The following EVC2 variants were observed in gnomAD, a reference collection of about 807,000 sequenced individuals.
The protein encoded by EVC2 is EvC ciliary complex subunit 2, also known as limbin.
Under a neutral mutation model 149.3 loss-of-function variants are expected in EVC2, and 148 were observed. The ratio of observed to expected loss-of-function variants is 0.99; its 90% confidence interval spans 0.87 to 1.14. The LOEUF is 1.14. Ranked by LOEUF, EVC2 falls within the 50% of genes most tolerant of loss-of-function variation. EVC2 has a pLI of 0.00. For missense variants in EVC2, 1,854 were observed against 1,627.3 expected, an observed-to-expected ratio of 1.14 and a Z score of -2.40; for synonymous variants, 776 against 649.9, an observed-to-expected ratio of 1.19 and a Z score of -2.95.
intron 9 of EVC2, among the ~76,000 whole-genome samples, chr4:5,650,373 T>C (rs1471976318): frequency 6.6e-6 from 1 of 151,992 alleles, no homozygotes; most frequent in East Asian, 1.9e-4. Context: ...TAATCAACTT[T>C]TCCTGGGTGA....
At chr4:5,700,610 C>A (rs955401031) in intron 1 of EVC2, among the ~76,000 whole-genome samples, 1 of 152,158 alleles carries the variant, frequency 6.6e-6, no homozygotes. Context: ...TGGGCCAGGC[C>A]TCCCAGGGCA....
intron 16 of EVC2, among the ~76,000 whole-genome samples, chr4:5,604,422 G>A (rs368767801): frequency 3.3e-5 from 5 of 152,116 alleles, no homozygotes; most frequent in Non-Finnish European, 5.9e-5. Flanking sequence ...TTAAAGTTAC[G>A]TCAGTGTTAA....
In EVC2 at chr4:5,592,742, C is replaced by T. The variant is rs1712927389; in HGVS notation, c.2830-7892G>A. Among the ~76,000 whole-genome samples, 3 of 152,204 alleles carry T rather than the reference C, an allele frequency of 2.0e-5. No homozygotes were observed. The South Asian group carries it at 6.2e-4, about 32-fold the overall frequency. The stretch of plus-strand genomic sequence containing the variant: ...ATTCTACTGGTAAGGAAGAAAGCCT[C>T]AAGTGAGCATGTGCACAACTTCTGT... On this transcript the variant is annotated intron_variant, in intron 16 of 21. Coordinates refer to ENST00000344408, the MANE Select transcript of EVC2 (RefSeq NM_147127.5).
At chr4:5,624,706 T>G (rs1715973825) in intron 13 of EVC2, among the ~76,000 whole-genome samples, 1 of 152,162 alleles carries the variant, frequency 6.6e-6, no homozygotes, top group South Asian at 2.1e-4. Flanking sequence ...TTTCCATCCC[T>G]TAACCAGTGG....
intron 9 of EVC2, among the ~76,000 whole-genome samples, chr4:5,655,429 A>G (rs922687017): frequency 1.3e-4 from 20 of 152,128 alleles, no homozygotes; most frequent in Admixed American, 9.2e-4. Flanking sequence ...CCTCTTTCAG[A>G]GACTAAGGCC....
chr4:5,677,360 T>C lies in EVC2; in HGVS notation c.870+3900A>G, dbSNP rs904726394. On this transcript the variant is annotated intron_variant, in intron 7 of 21. Transcript: ENST00000344408. The surrounding 1 kb of genome is among the most constrained non-coding windows in gnomAD (Gnocchi z 4.3). ...GGGCCCACACAACACCATAGGGCCA[T>C]CCTGTGCATACACCTCCTCTTCCCA... Among the ~76,000 whole-genome samples the C allele has an allele frequency of 2.0e-5, 3 of 152,138 alleles. No homozygotes were observed. Among genetic ancestry groups the C allele is most frequent in the Admixed American group, 2.0e-4 (3 of 15,282 alleles).
chr4:5,685,984 T>C (rs893318101), intron 5 of EVC2, among the ~76,000 whole-genome samples: 5 of 152,132 alleles, frequency 3.3e-5, no homozygotes, highest in African/African-American at 4.8e-5. Flanking sequence ...AGTTTACTTA[T>C]AGCCCTAAAA....
chr4:5,550,559 A>C (rs1038360393), intron 21 of EVC2, among the ~76,000 whole-genome samples: 8 of 152,318 alleles, frequency 5.3e-5, no homozygotes, highest in African/African-American at 1.7e-4. Context: ...TTTAAAGGGG[A>C]AACAGAGCAT....
chr4:5,694,768 G>A lies in EVC2; in HGVS notation c.284-267C>T, dbSNP rs73200126. Among the ~76,000 whole-genome samples, 3,185 of 152,290 alleles carry A rather than the reference G, an allele frequency of 0.021. 58 individuals carry two copies. Among genetic ancestry groups the A allele is most frequent in the Non-Finnish European group, 0.031 (2,122 of 68,020 alleles). On this transcript the variant is annotated intron_variant, in intron 2 of 21. Transcript: ENST00000344408. ...GCAGCCCCACCTAGGAATCAGAACT[G>A]CTGGGCAAGAATGATGCCTGGGTTG...
rs372767139 is a variant in EVC2, at chr4:5,618,358, A to G, written c.2706+120T>C. ...CTGGACACCAATGCAGCCAGAGAGG[A>G]GAGGATAGGGGAGCATGAGGTGAGA... On this transcript the variant is annotated intron_variant, in intron 15 of 21. Coordinates refer to ENST00000344408, the MANE Select transcript of EVC2 (RefSeq NM_147127.5). This position sits in a 1 kb window ranked among gnomAD's most constrained non-coding sequence, Gnocchi z 4.4. 4.2e-5 allele frequency: 46 copies of G among 1,105,024 alleles called. No individual in the cohort carries two copies. Among genetic ancestry groups the G allele is most frequent in the South Asian group, 2.6e-4 (20 of 75,796 alleles). 68.5% of individuals were successfully genotyped at this position (1,105,024 alleles called of 1,614,324 possible). A position where few individuals can be genotyped will look rare whatever the true frequency, so the allele number is the denominator to read the frequency against.
In EVC2 at chr4:5,568,639, T is replaced by G. The variant is rs1419370853; in HGVS notation, c.3362A>C (p.Glu1121Ala). 1 of 1,606,602 alleles carries G rather than the reference T, an allele frequency of 6.2e-7. No individual in the cohort carries two copies. The highest frequency in any genetic ancestry group is 8.5e-7 in the Non-Finnish European group (1 of 1,179,654). ...ADTFATLCSQ[E>A]LRLASYLARM... Reference sequence around the variant, plus strand: ...CGCCAGGTACGATGCCAGTCTCAGCTCCTACAGGAAACAACAGAGGGAGTT... The same window carrying G: ...CGCCAGGTACGATGCCAGTCTCAGCGCCTACAGGAAACAACAGAGGGAGTT... Residue 1121 changes from glutamate to alanine, a missense_variant and splice_region_variant, in exon 20 of 22, where the codon GAG becomes GCG. Transcript: ENST00000344408.
chr4:5,681,585 TG>T (rs1720348896), intron 6 of EVC2, among the ~76,000 whole-genome samples: 1 of 152,124 alleles, frequency 6.6e-6, no homozygotes, highest in Non-Finnish European at 1.5e-5. Context: ...GAGAAACGCT[TG>T]GGGTTGGGCA....
chr4:5,595,082 G>C (rs199526844), intron 16 of EVC2, among the ~76,000 whole-genome samples: 78 of 152,266 alleles, frequency 5.1e-4, no homozygotes, highest in East Asian at 3.7e-3. Flanking sequence ...AAGACCAAAT[G>C]TACGTCTGAT....
rs1716552824 is a variant in EVC2, at chr4:5,631,780, G to A, written c.1710+13C>T. The A allele has an allele frequency of 2.5e-6, 4 of 1,613,244 alleles. No individual in the cohort carries two copies. Among genetic ancestry groups the A allele is most frequent in the South Asian group, 2.2e-5 (2 of 91,046 alleles). On this transcript the variant is annotated intron_variant, in intron 11 of 21. Transcript: ENST00000344408. ...AAAATTACTTTTCCATCACAGCGAG[G>A]CTGATGTATTACCTGTATTTTAGAA...
At chr4:5,591,871 A>G (rs569739970) in intron 16 of EVC2, among the ~76,000 whole-genome samples, 1 of 152,340 alleles carries the variant, frequency 6.6e-6, no homozygotes, top group South Asian at 2.1e-4. Flanking sequence ...TTGCAAAATG[A>G]TATGCTGCTA....
At chr4:5,620,700 T>G (rs1223156672) in intron 14 of EVC2, among the ~76,000 whole-genome samples, 1 of 152,204 alleles carries the variant, frequency 6.6e-6, no homozygotes, top group East Asian at 1.9e-4. Flanking sequence ...AATCATACAC[T>G]TCTCTGATAG....
At chr4:5,534,316 T>C in the EVC2 span, among the ~76,000 whole-genome samples, 1 of 152,172 alleles carries the variant, frequency 6.6e-6, no homozygotes, top group African/African-American at 2.4e-5. Flanking sequence ...TCTGCAGCAG[T>C]GCCCACAGCA....
intron 8 of EVC2, among the ~76,000 whole-genome samples, chr4:5,664,554 C>T (rs890760205): frequency 3.3e-5 from 5 of 152,144 alleles, no homozygotes; most frequent in African/African-American, 7.2e-5. Context: ...TTAGATGGGA[C>T]GTTTTTCTTC....
intron 1 of EVC2, among the ~76,000 whole-genome samples, chr4:5,702,544 A>C (rs1200304212): frequency 6.6e-6 from 1 of 152,230 alleles, no homozygotes; most frequent in Non-Finnish European, 1.5e-5. Flanking sequence ...TGCATTGATG[A>C]AAATGGTCTA....
Sources: gnomAD v4.1 joint callset for allele counts (sites outside exome capture counted in the v4.1 genomes callset) on GRCh38, gnomAD v4.1.1 for gene constraint, Gnocchi (gnomAD v3.1) non-coding constraint, MANE v1.5 for transcripts, NCBI Gene and HGNC (gene_info 2026-07-23, HGNC 2026-07-21) for gene names.